The following ADARB2 variants were observed in gnomAD, a reference collection of about 807,000 sequenced individuals.
ADARB2 encodes adenosine deaminase RNA specific B2 (inactive), also known as inactive double-stranded RNA-specific editase B2.
Under a neutral mutation model 62.2 loss-of-function variants are expected in ADARB2, and 25 were observed. That is an observed-to-expected ratio of 0.40 (90% CI 0.29 to 0.56). The LOEUF is 0.56. Among genes scored for constraint, ADARB2 ranks in the 20% least tolerant of loss-of-function variants. ADARB2 has a pLI of 0.43. For missense variants in ADARB2, 1,071 were observed against 1,077.4 expected (o/e 0.99, Z 0.08); for synonymous variants, 572 against 500.8 (o/e 1.14, Z -1.90).
At chr10:1,465,420 T>C (rs2131912706) in intron 1 of ADARB2, among the ~76,000 whole-genome samples, 1 of 152,312 alleles carries the variant, frequency 6.6e-6, no homozygotes, top group East Asian at 1.9e-4. Context: ...CTTCTCTTAG[T>C]TGGAAAACAT....
At chr10:1,368,725 C>G (rs1832335636) in intron 2 of ADARB2, among the ~76,000 whole-genome samples, 1 of 152,226 alleles carries the variant, frequency 6.6e-6, no homozygotes, top group Admixed American at 6.5e-5. Context: ...AGTCAGGTAA[C>G]AGTGCAGGTG....
chr10:1,451,747 G>GTATGAGGAGGAAGTACACCCA (rs879575785), intron 1 of ADARB2, among the ~76,000 whole-genome samples: 4,835 of 151,588 alleles, frequency 0.032, 137 homozygotes, highest in South Asian at 0.088. Context: ...AAGTATACCC[G>GTATGAGGAGGAAGTACACCCA]TATGAGGAGG....
chr10:1,694,318 A>G lies in ADARB2; in HGVS notation c.100+42733T>C, dbSNP rs17156756. On this transcript the variant is annotated intron_variant, in intron 1 of 9. Transcript: ENST00000381312. ...GCAAATTGTTTCATATATTAATTGG[A>G]GTAATGTGCTATTTAGCTAATCCAT... 7.5e-3 allele frequency among the ~76,000 whole-genome samples: 1,137 copies of G among 152,330 alleles called. 11 individuals are homozygous for G. Among genetic ancestry groups the G allele is most frequent in the African/African-American group, 0.026 (1,070 of 41,568 alleles).
chr10:1,579,478 C>T (rs1265752150), intron 1 of ADARB2, among the ~76,000 whole-genome samples: 2 of 152,130 alleles, frequency 1.3e-5, no homozygotes, highest in African/African-American at 4.8e-5. Context: ...GATTGTGACT[C>T]AGCTGTAAAG....
At chr10:1,688,038 T>A (rs1490299522) in intron 1 of ADARB2, among the ~76,000 whole-genome samples, 1 of 152,244 alleles carries the variant, frequency 6.6e-6, no homozygotes, top group Non-Finnish European at 1.5e-5. Context: ...GGTAAAGGAA[T>A]GCCTCAAAAC....
chr10:1,554,289 G>A (rs1832670177), intron 1 of ADARB2, among the ~76,000 whole-genome samples: 1 of 152,086 alleles, frequency 6.6e-6, no homozygotes, highest in Non-Finnish European at 1.5e-5. Flanking sequence ...TGTTTTCGTG[G>A]GGCTCCCAGT....
chr10:1,240,411 A>G (rs1160298892), intron 5 of ADARB2: 1 of 151,832 alleles, frequency 6.6e-6, no homozygotes, highest in Admixed American at 6.6e-5. Context: ...CTGTTTTCAC[A>G]CGTTCTGCCC....
chr10:1,437,501 C>A (rs774114731), intron 1 of ADARB2, among the ~76,000 whole-genome samples: 1 of 152,148 alleles, frequency 6.6e-6, no homozygotes, highest in Non-Finnish European at 1.5e-5. Flanking sequence ...ATTAGGAGCC[C>A]GAGTCAGGTC....
chr10:1,534,589 G>A (rs956049318), intron 1 of ADARB2: 1 of 152,394 alleles, frequency 6.6e-6, no homozygotes, highest in Non-Finnish European at 1.5e-5. Context: ...CTCCTCAGCA[G>A]ATGATCCCTG....
chr10:1,638,849 T>G (rs78002738), intron 1 of ADARB2, among the ~76,000 whole-genome samples: 1 of 152,216 alleles, frequency 6.6e-6, no homozygotes, highest in African/African-American at 2.4e-5. Flanking sequence ...TTGCTTAAAA[T>G]GGTGTGTCGG....
At chr10:1,614,130 A>G (rs1833602942) in intron 1 of ADARB2, among the ~76,000 whole-genome samples, 2 of 152,250 alleles carry the variant, frequency 1.3e-5, no homozygotes, top group Admixed American at 1.3e-4. Flanking sequence ...AAAGAGAAGA[A>G]TGCAGCATTT....
chr10:1,442,971 T>A (rs559609525), intron 1 of ADARB2, among the ~76,000 whole-genome samples: 19 of 152,108 alleles, frequency 1.2e-4, no homozygotes, highest in African/African-American at 4.6e-4. Context: ...GTAAAGTAAA[T>A]GAGATGGGAC....
At chr10:1,608,647 A>G (rs1833525208) in intron 1 of ADARB2, among the ~76,000 whole-genome samples, 1 of 149,870 alleles carries the variant, frequency 6.7e-6, no homozygotes, top group Non-Finnish European at 1.5e-5. Context: ...GAGGGAGGGA[A>G]GGAGGGAGGA....
At chr10:1,216,929 G>T (rs771305592) in intron 7 of ADARB2, 22 bp downstream of exon 7, 3 of 1,589,270 alleles carry the variant, frequency 1.9e-6, no homozygotes, top group African/African-American at 1.4e-5. Flanking sequence ...CAACATCCTC[G>T]AGAGGAAGCC....
chr10:1,515,346 C>A (rs903754941), intron 1 of ADARB2, among the ~76,000 whole-genome samples: 1 of 152,242 alleles, frequency 6.6e-6, no homozygotes, highest in African/African-American at 2.4e-5. Flanking sequence ...CCTGAGCCGA[C>A]AGAGTCCAGG....
rs921573412 is a variant in ADARB2 at position 1,577,258 on chromosome 10, G to A, written c.100+159793C>T. On this transcript the variant is annotated intron_variant, in intron 1 of 9. Transcript: ENST00000381312. ...CTGGTGCAAAGCTGTCCCGGAAACT[G>A]CAGTAATACCCTCATGCACACAGAA... Among the ~76,000 whole-genome samples the A allele has an allele frequency of 5.9e-5, 8 of 134,686 alleles. 1 individual carries two copies. Among genetic ancestry groups the A allele is most frequent in the Middle Eastern group, 8.2e-3 (2 of 244 alleles). 88.4% of individuals were successfully genotyped at this position (134,686 alleles called of 152,430 possible). A position where few individuals can be genotyped will look rare whatever the true frequency, so the allele number is the denominator to read the frequency against.
chr10:1,562,844 C>G (rs1832803098), intron 1 of ADARB2, among the ~76,000 whole-genome samples: 1 of 152,234 alleles, frequency 6.6e-6, no homozygotes, highest in African/African-American at 2.4e-5. Context: ...GGAGACAATG[C>G]AGGTGACAGT....
chr10:1,663,418 G>C (rs148283859), intron 1 of ADARB2, among the ~76,000 whole-genome samples: 1 of 152,110 alleles, frequency 6.6e-6, no homozygotes, highest in Non-Finnish European at 1.5e-5. Context: ...CTCCCGAAAC[G>C]CCCTCCGTGC....
chr10:1,297,515 T>C (rs1831533696), intron 3 of ADARB2, among the ~76,000 whole-genome samples: 1 of 152,204 alleles, frequency 6.6e-6, no homozygotes, highest in Admixed American at 6.5e-5. Context: ...ATAAGACCAC[T>C]GGCCGTTCAG....
Sources: allele counts gnomAD v4.1 joint callset (sites outside exome capture counted in the v4.1 genomes callset), GRCh38; gene constraint gnomAD v4.1.1; transcripts MANE v1.5; gene names NCBI Gene and HGNC (gene_info 2026-07-23, HGNC 2026-07-21).